Variants in ACVR1C observed in about 807,000 individuals in gnomAD.
The protein encoded by ACVR1C is activin receptor type-1C.
Under a neutral mutation model 57.9 loss-of-function variants are expected in ACVR1C, and 23 were observed. The ratio of observed to expected loss-of-function variants is 0.40; its 90% CI spans 0.29 to 0.56. ACVR1C has a LOEUF of 0.56. Ranked by LOEUF, ACVR1C falls within the 20% of genes least tolerant of loss-of-function variation. ACVR1C has a pLI of 0.50. For synonymous variants in ACVR1C, 214 were observed against 215.3 expected (o/e 0.99, Z 0.05); for missense variants, 480 against 607.9 (o/e 0.79, Z 2.21).
intron 1 of ACVR1C, among the ~76,000 whole-genome samples, chr2:157,607,187 C>T (rs1682420861): frequency 6.6e-6 from 1 of 151,794 alleles, no homozygotes; most frequent in Non-Finnish European, 1.5e-5. Context: ...TATTTTTATA[C>T]CAATACCATG....
rs1371321430 is a variant in ACVR1C at position 157,628,639 on chromosome 2, G to C, written c.6C>G (p.Thr2=). M[T]RALCSALRQA... is the part of the protein sequence containing the mutation. The stretch of plus-strand genomic sequence containing the variant: ...GGCGGAGCGCTGAGCAGAGCGCCCG[G>C]GTCATCGCCACCAGGCGGCCGCGCC... The change falls in exon 1 of 9, where the codon ACC becomes ACG. Residue 2 remains threonine (T), a synonymous_variant. Transcript: ENST00000243349. 3 of 1,582,250 alleles carry C rather than the reference G, an allele frequency of 1.9e-6. No individual in the cohort carries two copies. In the African/African-American group the frequency reaches 4.1e-5, roughly 21 times the overall value.
At chr2:157,552,429 A>G (rs1229866341) in intron 3 of ACVR1C, among the ~76,000 whole-genome samples, 2 of 152,170 alleles carry the variant, frequency 1.3e-5, no homozygotes, top group Non-Finnish European at 2.9e-5. Flanking sequence ...CACTGCAACC[A>G]GCCTGGACTG....
chr2:157,611,877 T>C (rs1682543537), intron 1 of ACVR1C, among the ~76,000 whole-genome samples: 1 of 152,174 alleles, frequency 6.6e-6, no homozygotes, highest in South Asian at 2.1e-4. Flanking sequence ...CCCCTGGTGA[T>C]ATGCAGGGGC....
chr2:157,535,299 T>A (rs1023992920), intron 8 of ACVR1C, among the ~76,000 whole-genome samples: 1 of 152,010 alleles, frequency 6.6e-6, no homozygotes, highest in African/African-American at 2.4e-5. Flanking sequence ...CTTTAAACAT[T>A]GCAGTAAACC....
intron 4 of ACVR1C, among the ~76,000 whole-genome samples, chr2:157,548,510 A>T (rs915538415): frequency 6.6e-6 from 1 of 151,592 alleles, no homozygotes; most frequent in Non-Finnish European, 1.5e-5. Context: ...GAGGCATCAC[A>T]CTACCTGACT....
intron 3 of ACVR1C, among the ~76,000 whole-genome samples, chr2:157,550,709 G>T (rs1687893203): frequency 6.9e-6 from 1 of 145,404 alleles, no homozygotes; most frequent in Non-Finnish European, 1.5e-5. Flanking sequence ...AGCCAGTCAG[G>T]TTACTAAGTA....
intron 3 of ACVR1C, among the ~76,000 whole-genome samples, chr2:157,553,875 C>G (rs551933819): frequency 6.6e-6 from 1 of 151,906 alleles, no homozygotes; most frequent in African/African-American, 2.4e-5. Flanking sequence ...TGAATATCAA[C>G]AAGTTTTAAT....
chr2:157,537,594 T>C (rs1267399733), intron 8 of ACVR1C, among the ~76,000 whole-genome samples: 1 of 151,604 alleles, frequency 6.6e-6, no homozygotes, highest in Non-Finnish European at 1.5e-5. Context: ...AAGAGAAAAA[T>C]GAGGCAAAAA....
chr2:157,558,399 A>C (rs1280700657), intron 2 of ACVR1C, among the ~76,000 whole-genome samples: 1 of 152,186 alleles, frequency 6.6e-6, no homozygotes, highest in African/African-American at 2.4e-5. Flanking sequence ...TTTACCTACA[A>C]TGTGTCAAAA....
intron 2 of ACVR1C, among the ~76,000 whole-genome samples, chr2:157,565,967 G>A (rs963478738): frequency 2.6e-5 from 4 of 152,066 alleles, no homozygotes; most frequent in African/African-American, 9.7e-5. Context: ...AAAGTATAAA[G>A]AACTTTCACT....
intron 1 of ACVR1C, among the ~76,000 whole-genome samples, chr2:157,592,895 C>T (rs1250773260): frequency 3.3e-5 from 5 of 152,076 alleles, no homozygotes; most frequent in African/African-American, 1.2e-4. Flanking sequence ...TTTATACTTT[C>T]CCATTACAAT....
At chr2:157,601,327 TAAAAATAAA>T (rs1370799023) in intron 1 of ACVR1C, among the ~76,000 whole-genome samples, 1 of 151,422 alleles carries the variant, frequency 6.6e-6, no homozygotes, top group Non-Finnish European at 1.5e-5. Flanking sequence ...AAAATAAAAA[TAAAAATAAA>T]AAAAATAAAA....
chr2:157,604,941 C>A (rs932907548), intron 1 of ACVR1C, among the ~76,000 whole-genome samples: 12 of 151,774 alleles, frequency 7.9e-5, no homozygotes, highest in African/African-American at 2.9e-4. Context: ...ACAGATCATG[C>A]TTTTAGTACC....
At chr2:157,574,214 G>C (rs1328744326) in intron 2 of ACVR1C, among the ~76,000 whole-genome samples, 2 of 152,200 alleles carry the variant, frequency 1.3e-5, no homozygotes, top group Non-Finnish European at 2.9e-5. Flanking sequence ...ATTTCTCATA[G>C]TTCTGGAGGC....
intron 2 of ACVR1C, among the ~76,000 whole-genome samples, chr2:157,561,365 A>C (rs1255514928): frequency 6.6e-6 from 1 of 152,220 alleles, no homozygotes; most frequent in East Asian, 1.9e-4. Context: ...GTAACACACC[A>C]ACCAAAAGGG....
chr2:157,610,468 T>C (rs1682507690), intron 1 of ACVR1C, among the ~76,000 whole-genome samples: 1 of 152,142 alleles, frequency 6.6e-6, no homozygotes, highest in Non-Finnish European at 1.5e-5. Flanking sequence ...TTTATAGAAT[T>C]CTCTTTTATC....
At chr2:157,560,867 C>T (rs561728028) in intron 2 of ACVR1C, among the ~76,000 whole-genome samples, 30 of 152,296 alleles carry the variant, frequency 2.0e-4, no homozygotes, top group African/African-American at 7.2e-4. Flanking sequence ...TGATCAATTG[C>T]TTCAAATAAT....
intron 1 of ACVR1C, among the ~76,000 whole-genome samples, chr2:157,607,129 G>A (rs779166721): frequency 7.2e-5 from 11 of 151,768 alleles, no homozygotes; most frequent in Non-Finnish European, 1.0e-4. Context: ...CTGTAAATAC[G>A]TAGATTTATT....
intron 1 of ACVR1C, among the ~76,000 whole-genome samples, chr2:157,615,511 A>C (rs1682625810): frequency 6.6e-6 from 1 of 152,076 alleles, no homozygotes; most frequent in Admixed American, 6.5e-5. Flanking sequence ...AGTAGCTGGA[A>C]CTACAGGTGT....
Sources: allele counts gnomAD v4.1 joint callset (sites outside exome capture counted in the v4.1 genomes callset), GRCh38; gene constraint gnomAD v4.1.1; transcripts MANE v1.5; gene names NCBI Gene and HGNC (gene_info 2026-07-23, HGNC 2026-07-21).